DMD: variants seen among roughly 807,000 people sequenced by gnomAD.
DMD encodes the protein dystrophin.
DMD carries 63 observed loss-of-function variants against 330.1 expected under a neutral mutation model. The observed-to-expected ratio is 0.19, with a 90% confidence interval of 0.16 to 0.24. DMD has a LOEUF of 0.24. Ranked by LOEUF, DMD falls within the 10% of genes least tolerant of loss-of-function variation. DMD has a pLI of 1.00. For synonymous variants in DMD, 1,223 were observed against 959.8 expected (o/e 1.27, Z -5.07); for missense variants, 3,344 against 2,684.1 (o/e 1.25, Z -5.43).
At chrX:31,460,221 C>T (rs1173356615) in intron 59 of DMD, among the ~76,000 whole-genome samples, 1 of 111,538 alleles carries the variant, frequency 9.0e-6, no homozygotes, top group Admixed American at 9.5e-5. Context: ...AGACTCTTTT[C>T]TACTTTCTCC....
chrX:31,913,078 A>G (rs752539612), intron 47 of DMD, among the ~76,000 whole-genome samples: 73 of 112,561 alleles, frequency 6.5e-4, no homozygotes, highest in African/African-American at 2.3e-3. Flanking sequence ...GGCAGCACCA[A>G]CTGCCAGTCA....
intron 30 of DMD, among the ~76,000 whole-genome samples, chrX:32,391,638 T>C (rs2098003296): frequency 8.9e-6 from 1 of 112,166 alleles, no homozygotes; most frequent in Admixed American, 9.5e-5. Context: ...GTTGAATAAC[T>C]ACCTTGTGTG....
intron 2 of DMD, among the ~76,000 whole-genome samples, chrX:32,864,631 A>T (rs758759449): frequency 3.6e-5 from 4 of 111,634 alleles, no homozygotes; most frequent in Non-Finnish European, 7.5e-5. Context: ...CAAAGTCCCA[A>T]ATTCCTATTG....
intron 47 of DMD, among the ~76,000 whole-genome samples, chrX:31,911,707 C>G (rs1958088894): frequency 9.0e-6 from 1 of 111,405 alleles, no homozygotes; most frequent in Non-Finnish European, 1.9e-5. Flanking sequence ...AGTGGTGGTT[C>G]AAGAAGTTTT....
At chrX:32,982,599 A>T (rs1242558203) in intron 2 of DMD, among the ~76,000 whole-genome samples, 1 of 111,768 alleles carries the variant, frequency 8.9e-6, no homozygotes, top group Non-Finnish European at 1.9e-5. Context: ...TAAACCCAAG[A>T]TAACTCTGAA....
chrX:32,631,835 T>C (rs5928058), intron 11 of DMD, among the ~76,000 whole-genome samples: 16,266 of 110,890 alleles, frequency 0.15, 1,054 homozygotes, highest in African/African-American at 0.25. Context: ...GCCCCACCTC[T>C]GACAGTGAGG....
At chrX:32,059,063 A>G (rs1436072816) in intron 44 of DMD, among the ~76,000 whole-genome samples, 1 of 111,358 alleles carries the variant, frequency 9.0e-6, no homozygotes, top group African/African-American at 3.3e-5. Flanking sequence ...AACAGAAAGT[A>G]CAATGGTGGT....
intron 49 of DMD, among the ~76,000 whole-genome samples, chrX:31,835,059 G>A (rs967371842): frequency 1.8e-5 from 2 of 112,038 alleles, no homozygotes; most frequent in African/African-American, 6.5e-5. Flanking sequence ...ATCTCCAAGT[G>A]GCCCAGTAGT....
At position 31,139,472 on chromosome X, in the gene DMD, T is replaced by TACACACACACACAC. The variant is rs201931479; in HGVS notation, c.10922-5279_10922-5278insGTGTGTGTGTGTGT. The stretch of plus-strand genomic sequence containing the variant: ...AAATGCAGTATGTACGTGGTGTTTA[T>TACACACACACACAC]ATACACACACACACACACACACACA... On this transcript the variant is annotated intron_variant, in intron 76 of 78. Transcript: ENST00000357033. 4.2e-3 allele frequency among the ~76,000 whole-genome samples: 350 copies of TACACACACACACAC among 83,453 alleles called. 1 individual carries two copies. Among genetic ancestry groups the TACACACACACACAC allele is most frequent in the African/African-American group, 0.015 (332 of 22,437 alleles). 72.5% of individuals were successfully genotyped at this position (83,453 alleles called of 115,157 possible). A position where few individuals can be genotyped will look rare whatever the true frequency, so the allele number is the denominator to read the frequency against.
intron 29 of DMD, among the ~76,000 whole-genome samples, chrX:32,418,993 A>C (rs1031838481): frequency 1.9e-5 from 2 of 105,345 alleles, no homozygotes; most frequent in Non-Finnish European, 3.9e-5. Context: ...AAAAAAAAAA[A>C]AAAAAGAAGC....
intron 66 of DMD, among the ~76,000 whole-genome samples, chrX:31,204,739 C>T (rs943540645): frequency 3.6e-5 from 4 of 112,188 alleles, no homozygotes; most frequent in African/African-American, 1.3e-4. Context: ...TCTCCTGCCT[C>T]AGCCGCCTGA....
chrX:33,311,379 A>T (rs1030100037), intron 1 of DMD, among the ~76,000 whole-genome samples: 1 of 110,278 alleles, frequency 9.1e-6, no homozygotes, highest in African/African-American at 3.3e-5. Context: ...CTTACCACAG[A>T]TATATTCCTA....
intron 43 of DMD, among the ~76,000 whole-genome samples, chrX:32,285,695 T>TTTTTTG (rs2097437737): frequency 9.0e-6 from 1 of 110,839 alleles, no homozygotes; most frequent in Non-Finnish European, 1.9e-5. Context: ...TAAATCTGTT[T>TTTTTTG]TTTTGTTTTG....
intron 11 of DMD, among the ~76,000 whole-genome samples, chrX:32,616,932 GTGAACTACCTCTTCAACTTTTTTT>G (rs1473494632): frequency 4.6e-5 from 5 of 108,868 alleles, no homozygotes; most frequent in South Asian, 4.0e-4. Context: ...TTCCTTATCT[GTGAACTACCTCTTCAACTTTTTTT>G]TGAACTACCT....
In DMD at chrX:32,809,927, AAAAAAAAAAAAAAAAAAAAG is replaced by A. The variant is rs1183778580; in HGVS notation, c.531-336_531-317del. 2.6e-3 allele frequency among the ~76,000 whole-genome samples: 222 copies of A among 85,072 alleles called. 2 individuals carry two copies. The highest frequency in any genetic ancestry group is 8.7e-3 in the African/African-American group (214 of 24,537). 73.9% of individuals were successfully genotyped at this position (85,072 alleles called of 115,157 possible). A position where few individuals can be genotyped will look rare whatever the true frequency, so the allele number is the denominator to read the frequency against. On this transcript the variant is annotated intron_variant, in intron 6 of 78. Transcript: ENST00000357033. ...TGAAACCTTGTTTCTACCAAAAAAA[AAAAAAAAAAAAAAAAAAAAG>A]AAAGAAAGAAAGAAAGAAAGAAAAA...
intron 63 of DMD, 64 bp downstream of exon 63, chrX:31,260,891 C>T: frequency 9.2e-7 from 1 of 1,085,807 alleles, no homozygotes; most frequent in Admixed American, 2.2e-5. Context: ...TTTCACACTG[C>T]AAACTACTTT....
chrX:32,549,422 G>A (rs898283857), intron 16 of DMD, among the ~76,000 whole-genome samples: 2 of 111,628 alleles, frequency 1.8e-5, no homozygotes, highest in Non-Finnish European at 3.8e-5. Flanking sequence ...CCACTGTCTT[G>A]AAATTCTTAG....
chrX:31,488,670 T>C (rs764884100), intron 57 of DMD, among the ~76,000 whole-genome samples: 13 of 112,013 alleles, frequency 1.2e-4, no homozygotes, highest in Admixed American at 1.9e-4. Context: ...AAATATATCT[T>C]CGATCAAATA....
At chrX:32,551,743 C>T (rs6631601) in intron 16 of DMD, among the ~76,000 whole-genome samples, 10,802 of 110,931 alleles carry the variant, frequency 0.097, 706 homozygotes, top group African/African-American at 0.22. Flanking sequence ...TAGTCTCTGC[C>T]CAAAAGCTCA....
Sources: gnomAD v4.1 joint callset for allele counts (sites outside exome capture counted in the v4.1 genomes callset) on GRCh38, gnomAD v4.1.1 for gene constraint, MANE v1.5 for transcripts, NCBI Gene and HGNC (gene_info 2026-07-23, HGNC 2026-07-21) for gene names.